FAM184B: variants seen among roughly 807,000 people sequenced by gnomAD.
FAM184B encodes the protein protein FAM184B.
In FAM184B, 111 loss-of-function variants were observed where a neutral mutation model predicts 135.9. The ratio of observed to expected loss-of-function variants is 0.82; its 90% CI spans 0.70 to 0.96. The LOEUF is 0.96. Among genes scored for constraint, FAM184B ranks in the 40% least tolerant of loss-of-function variants. FAM184B has a pLI of 0.00. For missense variants in FAM184B, 1,375 were observed against 1,323.9 expected (o/e 1.04, Z -0.60); for synonymous variants, 552 against 524.8 (o/e 1.05, Z -0.71).
intron 8 of FAM184B, among the ~76,000 whole-genome samples, chr4:17,660,431 G>T (rs1053272348): frequency 1.3e-5 from 2 of 151,846 alleles, no homozygotes; most frequent in African/African-American, 2.4e-5. Flanking sequence ...GTCTTTGGGG[G>T]CTCCAAAAAA....
chr4:17,657,306 CT>C (rs1300436526), intron 10 of FAM184B, among the ~76,000 whole-genome samples: 2 of 152,216 alleles, frequency 1.3e-5, no homozygotes, highest in Admixed American at 1.3e-4. Context: ...GGAGACAGCT[CT>C]TCCAGAGCCC....
rs756474638 is a variant in FAM184B at position 17,705,038 on chromosome 4, G to T, written c.1339C>A (p.Arg447Ser). ...KKHTVEIKSV[R>S]SSVEAERKKL... ...TTTCTTTCAGCCTCCACGGACGAGCGAACGGATTTGATTTCCACGGTGTGC... is the reference window on the plus strand; with the variant it reads ...TTTCTTTCAGCCTCCACGGACGAGCTAACGGATTTGATTTCCACGGTGTGC... The change falls in exon 5 of 18, where the codon CGC becomes AGC. Residue 447 changes from arginine to serine, a missense_variant. By Grantham distance (110) the Arg-to-Ser change is moderately radical. Transcript: ENST00000265018. 2.3e-5 allele frequency: 36 copies of T among 1,551,610 alleles called. No homozygotes were observed. Among genetic ancestry groups the T allele is most frequent in the Non-Finnish European group, 2.8e-5 (32 of 1,147,016 alleles).
At chr4:17,645,263 C>T (rs1263300018) in intron 12 of FAM184B, among the ~76,000 whole-genome samples, 15 of 152,234 alleles carry the variant, frequency 9.9e-5, no homozygotes, top group East Asian at 1.9e-4. Flanking sequence ...GAGCCTGCGT[C>T]GCCAAGTCAA....
chr4:17,665,411 C>T (rs572900687), intron 7 of FAM184B, among the ~76,000 whole-genome samples: 36 of 152,314 alleles, frequency 2.4e-4, no homozygotes, highest in African/African-American at 7.9e-4. Flanking sequence ...TTCTATTTGT[C>T]ATAACCACAC....
chr4:17,645,606 C>T (rs1406459780), intron 12 of FAM184B, among the ~76,000 whole-genome samples: 3 of 151,914 alleles, frequency 2.0e-5, no homozygotes, highest in Non-Finnish European at 4.4e-5. Flanking sequence ...AAATGTTAGA[C>T]CTAAAACCAT....
At chr4:17,674,905 C>A (rs1049879795) in intron 7 of FAM184B, among the ~76,000 whole-genome samples, 11 of 152,172 alleles carry the variant, frequency 7.2e-5, no homozygotes, top group Admixed American at 7.2e-4. Context: ...TCTGTCTCTA[C>A]ATAGTTACTT....
intron 1 of FAM184B, among the ~76,000 whole-genome samples, chr4:17,744,004 C>T (rs1423928147): frequency 6.6e-6 from 1 of 152,138 alleles, no homozygotes; most frequent in Non-Finnish European, 1.5e-5. Context: ...AATTCAGTTC[C>T]CTGTGGTTAT....
chr4:17,670,496 A>T (rs1383152898), intron 7 of FAM184B, among the ~76,000 whole-genome samples: 2 of 152,190 alleles, frequency 1.3e-5, no homozygotes, highest in Non-Finnish European at 2.9e-5. Flanking sequence ...TGTGAAAGGG[A>T]ATCTGCAGGA....
intron 1 of FAM184B, among the ~76,000 whole-genome samples, chr4:17,726,656 G>A (rs1490603544): frequency 6.6e-6 from 1 of 152,238 alleles, no homozygotes; most frequent in Non-Finnish European, 1.5e-5. Context: ...ACAGGCATGA[G>A]CCACTGCGCC....
Position 17,781,399 on chromosome 4 carries a change from G to C in FAM184B, c.-100C>G, listed in dbSNP as rs1719031056. ...GCGTGCGAGCGTGTGGGTTTCTCGG[G>C]AGAGGTGGCACTGCAGTCCCGTCGC... is the stretch of plus-strand genomic sequence containing the variant. On this transcript the variant is annotated 5_prime_UTR_variant, in exon 1 of 18. Coordinates refer to ENST00000265018, the MANE Select transcript of FAM184B (RefSeq NM_015688.2). This position sits in a 1 kb window ranked among gnomAD's most constrained non-coding sequence, Gnocchi z 6.5. The C allele has an allele frequency of 7.3e-7, 1 of 1,372,910 alleles. No homozygotes were observed. Among genetic ancestry groups the C allele is most frequent in the Admixed American group, 3.1e-5 (1 of 32,344 alleles). 85.0% of individuals were successfully genotyped at this position (1,372,910 alleles called of 1,614,324 possible). A position where few individuals can be genotyped will look rare whatever the true frequency, so the allele number is the denominator to read the frequency against.
chr4:17,726,657 C>A (rs1717644363), intron 1 of FAM184B, among the ~76,000 whole-genome samples: 1 of 152,224 alleles, frequency 6.6e-6, no homozygotes, highest in Non-Finnish European at 1.5e-5. Context: ...CAGGCATGAG[C>A]CACTGCGCCT....
At chr4:17,633,477 G>A (rs753744207) in intron 17 of FAM184B, 24 of 458,134 alleles carry the variant, frequency 5.2e-5, no homozygotes, top group Admixed American at 1.2e-4. Context: ...GAGGAAGACT[G>A]TAATTTGAAT....
intron 1 of FAM184B, among the ~76,000 whole-genome samples, chr4:17,778,928 G>A (rs1336254192): frequency 6.6e-6 from 1 of 152,130 alleles, no homozygotes; most frequent in Non-Finnish European, 1.5e-5. Flanking sequence ...GGAAGGGGCT[G>A]TTAAATGAGT....
At chr4:17,710,327 A>AAAAC (rs146569453) in intron 1 of FAM184B, among the ~76,000 whole-genome samples, 59,298 of 150,950 alleles carry the variant, frequency 0.39, 11,990 homozygotes, top group South Asian at 0.45. Context: ...CTCCATCACA[A>AAAAC]AAACAAACAA....
chr4:17,667,589 A>G (rs1716086127), intron 7 of FAM184B, among the ~76,000 whole-genome samples: 1 of 152,186 alleles, frequency 6.6e-6, no homozygotes, highest in African/African-American at 2.4e-5. Context: ...GGCCTGAGAG[A>G]GAGTAAACAT....
At chr4:17,638,941 ATCC>A (rs780772339) in intron 14 of FAM184B, among the ~76,000 whole-genome samples, 2 of 152,016 alleles carry the variant, frequency 1.3e-5, no homozygotes, top group Non-Finnish European at 2.9e-5. Context: ...GGCTCAAGTG[ATCC>A]TCCTGCCTCA....
chr4:17,745,200 G>C lies in FAM184B; in HGVS notation c.142-35556C>G, dbSNP rs73800386. Among the ~76,000 whole-genome samples, 1,065 of 152,324 alleles carry C rather than the reference G, an allele frequency of 7.0e-3. 14 individuals carry two copies. Among genetic ancestry groups the C allele is most frequent in the African/African-American group, 0.023 (968 of 41,578 alleles). ...AATGCCTTGCAGAATAATCTAGAAA[G>C]AATTCTGGACTAGATTTTAGTCCTT... On this transcript the variant is annotated intron_variant, in intron 1 of 17. Coordinates refer to ENST00000265018, the MANE Select transcript of FAM184B (RefSeq NM_015688.2).
At chr4:17,707,376 T>C (rs958434718) in intron 3 of FAM184B, among the ~76,000 whole-genome samples, 1 of 152,170 alleles carries the variant, frequency 6.6e-6, no homozygotes, top group Non-Finnish European at 1.5e-5. Flanking sequence ...TTTCAGGCAC[T>C]GTGGTGAGCC....
At chr4:17,712,142 T>C (rs534148738) in intron 1 of FAM184B, among the ~76,000 whole-genome samples, 1 of 151,816 alleles carries the variant, frequency 6.6e-6, no homozygotes, top group African/African-American at 2.4e-5. Flanking sequence ...GGAGTTGGAG[T>C]TTTATTTGGT....
Sources: gnomAD v4.1 joint callset for allele counts (sites outside exome capture counted in the v4.1 genomes callset) on GRCh38, gnomAD v4.1.1 for gene constraint, Gnocchi (gnomAD v3.1) non-coding constraint, MANE v1.5 for transcripts, NCBI Gene and HGNC (gene_info 2026-07-23, HGNC 2026-07-21) for gene names.